Variants in CACNA2D3 observed in about 807,000 individuals in gnomAD.
The protein encoded by CACNA2D3 is calcium voltage-gated channel auxiliary subunit alpha2delta 3, also known as voltage-dependent calcium channel subunit alpha-2/delta-3.
Under a neutral mutation model 160.6 loss-of-function variants are expected in CACNA2D3, and 60 were observed. That is an observed-to-expected ratio of 0.37 (90% CI 0.30 to 0.46). The LOEUF is 0.46. Among genes scored for constraint, CACNA2D3 ranks in the 20% least tolerant of loss-of-function variants. The pLI, the probability that CACNA2D3 is intolerant of heterozygous loss-of-function variation, is 1.00. For missense variants in CACNA2D3, 1,205 were observed against 1,365.0 expected (o/e 0.88, Z 1.85); for synonymous variants, 558 against 492.9 (o/e 1.13, Z -1.75).
intron 2 of CACNA2D3, among the ~76,000 whole-genome samples, chr3:54,314,701 A>G (rs1171467551): frequency 2.0e-5 from 3 of 152,154 alleles, no homozygotes; most frequent in Admixed American, 2.0e-4. Context: ...CTATGTGTAT[A>G]TCTTCTTTTG....
At chr3:54,136,691 G>C (rs1699821387) in intron 2 of CACNA2D3, among the ~76,000 whole-genome samples, 1 of 152,158 alleles carries the variant, frequency 6.6e-6, no homozygotes, top group Non-Finnish European at 1.5e-5. Context: ...TTATACTGCC[G>C]ACCCTGCTGT....
chr3:54,454,073 A>G (rs531487979), intron 4 of CACNA2D3, among the ~76,000 whole-genome samples: 3 of 152,262 alleles, frequency 2.0e-5, no homozygotes, highest in Admixed American at 2.0e-4. Flanking sequence ...CATGTCTCTA[A>G]TATCAGTACT....
At chr3:54,178,134 C>T (rs1407654806) in intron 2 of CACNA2D3, among the ~76,000 whole-genome samples, 1 of 152,168 alleles carries the variant, frequency 6.6e-6, no homozygotes, top group Non-Finnish European at 1.5e-5. Flanking sequence ...CAGAGAGGAG[C>T]TGTCCAGACC....
intron 13 of CACNA2D3, among the ~76,000 whole-genome samples, chr3:54,813,243 C>A (rs1171157350): frequency 2.0e-5 from 3 of 152,144 alleles, no homozygotes; most frequent in Non-Finnish European, 4.4e-5. Context: ...CTGTCCAGAC[C>A]CCTCATGGAG....
chr3:54,626,215 A>G, intron 9 of CACNA2D3: 4 of 875,336 alleles, frequency 4.6e-6, no homozygotes, highest in Non-Finnish European at 1.9e-6. Context: ...ATCCGGCAAG[A>G]TGGCAGAAGT....
chr3:54,898,790 G>C (rs1165752828), intron 26 of CACNA2D3, among the ~76,000 whole-genome samples: 1 of 152,160 alleles, frequency 6.6e-6, no homozygotes, highest in African/African-American at 2.4e-5. Flanking sequence ...AATGAAGTGA[G>C]TTTACCTTGT....
intron 4 of CACNA2D3, among the ~76,000 whole-genome samples, chr3:54,500,819 G>C (rs1471358379): frequency 6.6e-6 from 1 of 152,106 alleles, no homozygotes; most frequent in Admixed American, 6.6e-5. Flanking sequence ...TGTAGTGCAG[G>C]TATCTTATAA....
At chr3:54,213,124 G>A (rs1701405029) in intron 2 of CACNA2D3, among the ~76,000 whole-genome samples, 1 of 152,042 alleles carries the variant, frequency 6.6e-6, no homozygotes, top group African/African-American at 2.4e-5. Flanking sequence ...GGCTGGAAAG[G>A]GTGACTGGAG....
chr3:54,271,835 C>T (rs1027867092), intron 2 of CACNA2D3, among the ~76,000 whole-genome samples: 2 of 152,126 alleles, frequency 1.3e-5, no homozygotes, highest in Non-Finnish European at 1.5e-5. Flanking sequence ...TCCCAATCAC[C>T]TTTGATTTTG....
In CACNA2D3 at chr3:54,586,124, C is replaced by T. The variant is rs531927161; in HGVS notation, c.963+4247C>T. Among the ~76,000 whole-genome samples, 16 of 151,954 alleles carry T rather than the reference C, an allele frequency of 1.1e-4. No individual in the cohort carries two copies. In the South Asian group the frequency reaches 1.3e-3, roughly 12 times the overall value. On this transcript the variant is annotated intron_variant, in intron 9 of 37. Transcript: ENST00000474759. Reference sequence around the variant, plus strand: ...CTAAAAGTACAAAAAATTAGCTGGGCGTGGTGGCACATGCCTGTAGTCCCA... The same window carrying T: ...CTAAAAGTACAAAAAATTAGCTGGGTGTGGTGGCACATGCCTGTAGTCCCA...
chr3:54,539,253 G>C (rs1005014718), intron 5 of CACNA2D3, among the ~76,000 whole-genome samples: 2 of 152,210 alleles, frequency 1.3e-5, no homozygotes, highest in Non-Finnish European at 2.9e-5. Context: ...AGAGGCTTAA[G>C]TGAGCCACAG....
intron 11 of CACNA2D3, among the ~76,000 whole-genome samples, chr3:54,688,979 CA>C (rs1162900126): frequency 0.21 from 6,610 of 30,974 alleles, 725 homozygotes; most frequent in Middle Eastern, 0.33. Flanking sequence ...GAGACTGTCT[CA>C]AAAAAAAAAA....
chr3:54,694,512 T>A (rs1038960567), intron 11 of CACNA2D3, among the ~76,000 whole-genome samples: 1 of 152,244 alleles, frequency 6.6e-6, no homozygotes, highest in African/African-American at 2.4e-5. Context: ...GGTGAAGGTA[T>A]GCTGTCCTAG....
At position 55,014,921 on chromosome 3, in the gene CACNA2D3, C is replaced by T. The variant is rs1203866600; in HGVS notation, c.2876-3285C>T. On this transcript the variant is annotated intron_variant, in intron 34 of 37. Coordinates refer to ENST00000474759, the MANE Select transcript of CACNA2D3 (RefSeq NM_018398.3). ...GGCCATGGCTTTACACGATAATTCA[C>T]GTTTCCCAAAAGCACATCAAGCAAT... 4.6e-5 allele frequency among the ~76,000 whole-genome samples: 7 copies of T among 152,202 alleles called. No individual in the cohort carries two copies. In the East Asian group the frequency reaches 5.8e-4, roughly 13 times the overall value.
intron 30 of CACNA2D3, among the ~76,000 whole-genome samples, chr3:54,985,245 G>A (rs1242384947): frequency 2.0e-5 from 3 of 152,108 alleles, no homozygotes. Flanking sequence ...GCAGTGTAGG[G>A]GTGGGAGGGA....
intron 2 of CACNA2D3, among the ~76,000 whole-genome samples, chr3:54,225,261 T>C (rs1344754681): frequency 1.3e-5 from 2 of 152,210 alleles, no homozygotes; most frequent in Non-Finnish European, 2.9e-5. Flanking sequence ...GCTTCATCCA[T>C]GTCCCTACAA....
At chr3:54,300,349 C>T (rs1030561403) in intron 2 of CACNA2D3, among the ~76,000 whole-genome samples, 1 of 152,226 alleles carries the variant, frequency 6.6e-6, no homozygotes. Flanking sequence ...CAGTCTCTGC[C>T]ACGTGGCATA....
chr3:55,073,690 A>AAGAG (rs1704872502), intron 36 of CACNA2D3, 87 bp from the exon 37 acceptor site: 1 of 1,271,632 alleles, frequency 7.9e-7, no homozygotes, highest in Admixed American at 1.9e-5. Flanking sequence ...GAGAGTAGTT[A>AAGAG]AGAGAGTTGT....
chr3:55,045,516 C>T (rs940516959), intron 35 of CACNA2D3, among the ~76,000 whole-genome samples: 1 of 152,192 alleles, frequency 6.6e-6, no homozygotes, highest in African/African-American at 2.4e-5. Flanking sequence ...CCAGTGAAGA[C>T]ATCTGGGCTT....
Sources: allele counts gnomAD v4.1 joint callset (sites outside exome capture counted in the v4.1 genomes callset), GRCh38; gene constraint gnomAD v4.1.1; transcripts MANE v1.5; gene names NCBI Gene and HGNC (gene_info 2026-07-23, HGNC 2026-07-21).